SART3: variants seen among roughly 807,000 people sequenced by gnomAD.
SART3 encodes HIV-1 Tat-interacting protein of 110kDa.
SART3 carries 44 observed loss-of-function variants against 122.3 expected under a neutral mutation model. That is an observed-to-expected ratio of 0.36 (90% CI 0.28 to 0.46). The LOEUF is 0.46. Ranked by LOEUF, SART3 falls within the 20% of genes least tolerant of loss-of-function variation. SART3 has a pLI of 1.00. For synonymous variants in SART3, 442 were observed against 454.0 expected, an observed-to-expected ratio of 0.97 and a Z score of 0.34; for missense variants, 1,101 against 1,229.0, an observed-to-expected ratio of 0.90 and a Z score of 1.56.
intron 3 of SART3, among the ~76,000 whole-genome samples, 170 bp downstream of exon 3, chr12:108,547,716 CT>C (rs2136687453): frequency 6.6e-6 from 1 of 152,310 alleles, no homozygotes; most frequent in South Asian, 2.1e-4. Flanking sequence ...TAAAATTAAA[CT>C]TCCTCAATTA....
chr12:108,522,584 T>TA lies in SART3; in HGVS notation c.*872dup. 1 of 152,346 alleles carries TA rather than the reference T, an allele frequency of 6.6e-6. No homozygotes were observed. Among genetic ancestry groups the TA allele is most frequent in the African/African-American group, 2.4e-5 (1 of 41,582 alleles). The allele number at this position is 152,346 out of a possible 1,614,324, so 9.4% of individuals were successfully genotyped here. On this transcript the variant is annotated 3_prime_UTR_variant, in exon 19 of 19. Transcript: ENST00000546815. Reference sequence around the variant, plus strand: ...ATCAAAGTGACAATGGGATTTGACTTACAAAAGTTCTATTTACACATCTAT... The same window carrying TA: ...ATCAAAGTGACAATGGGATTTGACTTAACAAAAGTTCTATTTACACATCTAT...
intron 6 of SART3, among the ~76,000 whole-genome samples, chr12:108,541,421 G>A (rs1229434070): frequency 6.6e-6 from 1 of 151,860 alleles, no homozygotes; most frequent in East Asian, 1.9e-4. Flanking sequence ...AAAAAGAAGT[G>A]AAAAGACAAA....
intron 18 of SART3, 188 bp downstream of exon 18, chr12:108,524,128 G>T: frequency 1.5e-6 from 1 of 651,306 alleles, no homozygotes; most frequent in Non-Finnish European, 2.8e-6. Context: ...AGAGGTCACT[G>T]CCTAGGCTTG....
chr12:108,546,644 C>G (rs1873435076), intron 3 of SART3, among the ~76,000 whole-genome samples: 1 of 151,874 alleles, frequency 6.6e-6, no homozygotes, highest in Admixed American at 6.6e-5. Context: ...CCTCAGCCAC[C>G]TGAGTAGCTG....
chr12:108,531,950 C>A (rs1872696784), intron 13 of SART3: 2 of 421,454 alleles, frequency 4.7e-6, no homozygotes, highest in East Asian at 1.0e-4. Context: ...GCCAGGGATG[C>A]CCCTAAACAT....
At chr12:108,551,547 A>AT (rs1038183039) in intron 1 of SART3, among the ~76,000 whole-genome samples, 3 of 151,854 alleles carry the variant, frequency 2.0e-5, no homozygotes, top group Non-Finnish European at 4.4e-5. Context: ...AAATTGTTTA[A>AT]TTTTTTTTTA....
At position 108,528,888 on chromosome 12, in the gene SART3, G is replaced by A. The variant is rs192549725; in HGVS notation, c.1915+1254C>T. ...TGTAATCCCAGCACTTTGGGAGGCC[G>A]AGGCAGACAGATCACTTGAGGCCAC... is the stretch of plus-strand genomic sequence containing the variant. On this transcript the variant is annotated intron_variant, in intron 15 of 18. Transcript: ENST00000546815. Among the ~76,000 whole-genome samples the A allele has an allele frequency of 4.6e-5, 7 of 152,252 alleles. No individual in the cohort carries two copies. In the East Asian group the frequency reaches 9.7e-4, roughly 21 times the overall value.
At chr12:108,539,362 C>T (rs1296562339) in intron 6 of SART3, among the ~76,000 whole-genome samples, 1 of 152,204 alleles carries the variant, frequency 6.6e-6, no homozygotes, top group Non-Finnish European at 1.5e-5. Flanking sequence ...AGTAGCCCAT[C>T]AATCAGGAAC....
At chr12:108,529,205 A>G (rs113336777) in intron 15 of SART3, among the ~76,000 whole-genome samples, 2,059 of 152,362 alleles carry the variant, frequency 0.014, 22 homozygotes, top group Non-Finnish European at 0.022. Context: ...GTTAGACCGG[A>G]ACTGGAGGTA....
At chr12:108,523,862 A>G (rs1872246039) in intron 18 of SART3, 1 of 608,060 alleles carries the variant, frequency 1.6e-6, no homozygotes, top group Non-Finnish European at 2.9e-6. Flanking sequence ...CACCAGTCAC[A>G]CTCAGAGGGG....
At position 108,530,210 on chromosome 12, in the gene SART3, T is replaced by C. The variant is rs1286426927; in HGVS notation, c.1847A>G (p.Lys616Arg). ...TCCGCGCTTCTCTGGGCCTCTGATCTTTTTCTTCTTTTTTAACGCTTTCTT... is the reference window on the plus strand; with the variant it reads ...TCCGCGCTTCTCTGGGCCTCTGATCCTTTTCTTCTTTTTTAACGCTTTCTT... ...AEKKALKKKK[K>R]IRGPEKRGAD... Residue 616 changes from lysine to arginine, a missense_variant, in exon 15 of 19, where the codon AAG becomes AGG. Around this residue, in one of 2 missense-constraint regions of SART3, gnomAD observed 885 missense variants for 1,080.1 expected, o/e 0.82. Coordinates refer to ENST00000546815, the MANE Select transcript of SART3 (RefSeq NM_014706.4). 6.2e-7 allele frequency: 1 copy of C among 1,614,076 alleles called. No individual in the cohort carries two copies. The highest frequency in any genetic ancestry group is 1.7e-5 in the Admixed American group (1 of 60,022).
intron 1 of SART3, among the ~76,000 whole-genome samples, chr12:108,556,906 G>T (rs990929815): frequency 6.6e-6 from 1 of 152,204 alleles, no homozygotes; most frequent in Admixed American, 6.5e-5. Flanking sequence ...TCAGTGTCAC[G>T]AATATCTATG....
chr12:108,561,093 TTGGGCC>T lies in SART3; in HGVS notation c.56_61del (p.Gly19_Lys21delinsGlu). ...AACCTCATCCTCCTCTCCGTCAGCC[TTGGGCC>T]CAGCCTTGGACTCAGCCTCGGGTTC... On this transcript the variant is annotated inframe_deletion, in exon 1 of 19. Transcript: ENST00000546815. 1.2e-6 allele frequency: 2 copies of T among 1,614,190 alleles called. No homozygotes were observed. Among genetic ancestry groups the T allele is most frequent in the Non-Finnish European group, 1.7e-6 (2 of 1,180,022 alleles).
Position 108,539,007 on chromosome 12 carries a change from T to C in SART3, c.989A>G (p.Gln330Arg), listed in dbSNP as rs1357230141. The C allele has an allele frequency of 1.2e-6, 2 of 1,614,110 alleles. No homozygotes were observed. Among genetic ancestry groups the C allele is most frequent in the Non-Finnish European group, 1.7e-6 (2 of 1,180,050 alleles). ...EMKIGDPARI[Q>R]LIFERALVEN... is the part of the protein sequence containing the mutation. ...GACCAGGGCGCGCTCAAAGATCAACTGAATGCGAGCAGGATCGCCAATTTT... is the reference window on the plus strand; with the variant it reads ...GACCAGGGCGCGCTCAAAGATCAACCGAATGCGAGCAGGATCGCCAATTTT... Residue 330 changes from glutamine to arginine, a missense_variant, in exon 7 of 19, where the codon CAG becomes CGG. Transcript: ENST00000546815.
At position 108,525,574 on chromosome 12, in the gene SART3, C is replaced by T. The variant is rs1300478491; in HGVS notation, c.2406G>A (p.Lys802=). 1 of 1,614,082 alleles carries T rather than the reference C, an allele frequency of 6.2e-7. No homozygotes were observed. The highest frequency in any genetic ancestry group is 8.5e-7 in the Non-Finnish European group (1 of 1,179,944). Residue 802 remains lysine (K), a synonymous_variant, in exon 17 of 19, where the codon AAG becomes AAA. Coordinates refer to ENST00000546815, the MANE Select transcript of SART3 (RefSeq NM_014706.4). ...FRYSTSLEKH[K]LFISGLPFSC... ...AGAAAGGCAGGCCTGAGATGAACAG[C>T]TTGTGTTTCTCTAGGGAAGTGCTGT...
At chr12:108,548,234 T>C (rs1873522950) in intron 2 of SART3, among the ~76,000 whole-genome samples, 1 of 152,252 alleles carries the variant, frequency 6.6e-6, no homozygotes, top group African/African-American at 2.4e-5. Flanking sequence ...CAAAGCACTT[T>C]TCTCATTCAG....
At chr12:108,532,062 G>A in intron 13 of SART3, 160 bp downstream of exon 13, 1 of 659,908 alleles carries the variant, frequency 1.5e-6, no homozygotes, top group Non-Finnish European at 2.8e-6. Flanking sequence ...AGCTGCAGGA[G>A]GACTCATTTT....
At chr12:108,554,322 T>C (rs2030129369) in intron 1 of SART3, 1 of 152,160 alleles carries the variant, frequency 6.6e-6, no homozygotes, top group Admixed American at 6.5e-5. Context: ...AAATTACATG[T>C]CAATCTCACT....
rs745685306 is a variant in SART3 at position 108,536,498 on chromosome 12, T to C, written c.1446+16A>G. 4 of 1,613,148 alleles carry C rather than the reference T, an allele frequency of 2.5e-6. No individual in the cohort carries two copies. Among genetic ancestry groups the C allele is most frequent in the South Asian group, 2.2e-5 (2 of 91,078 alleles). ...CAATGATGGATGAAAGTGCTAGATG[T>C]GTCAAAAACATTTACCTCAATCCTA... On this transcript the variant is annotated intron_variant, in intron 11 of 18. Coordinates refer to ENST00000546815, the MANE Select transcript of SART3 (RefSeq NM_014706.4).
Sources: allele counts gnomAD v4.1 joint callset (sites outside exome capture counted in the v4.1 genomes callset), GRCh38; gene constraint gnomAD v4.1.1; regional missense constraint gnomAD v4.1.1; transcripts MANE v1.5; gene names NCBI Gene and HGNC (gene_info 2026-07-23, HGNC 2026-07-21).